Variants in DCT observed in about 807,000 individuals in gnomAD.
DCT encodes dopachrome tautomerase.
Under a neutral mutation model 53.0 loss-of-function variants are expected in DCT, and 47 were observed. The ratio of observed to expected loss-of-function variants is 0.89; its 90% CI spans 0.70 to 1.13. DCT has a LOEUF of 1.13. Ranked by LOEUF, DCT falls within the 50% of genes most tolerant of loss-of-function variation. DCT has a pLI of 0.00. For missense variants in DCT, 669 were observed against 637.4 expected, an observed-to-expected ratio of 1.05 and a Z score of -0.53; for synonymous variants, 244 against 237.0, an observed-to-expected ratio of 1.03 and a Z score of -0.27.
the DCT span, among the ~76,000 whole-genome samples, chr13:94,536,929 G>A: frequency 6.7e-6 from 1 of 148,648 alleles, no homozygotes; most frequent in African/African-American, 2.4e-5. Flanking sequence ...GGGCAACAGA[G>A]AGAGACTCCA....
chr13:94,466,633 T>G lies in DCT; in HGVS notation c.621A>C (p.Ile207=), dbSNP rs1028643400. The change falls in exon 3 of 8, where the codon ATA becomes ATC. Residue 207 remains isoleucine (I), a synonymous_variant. Transcript: ENST00000377028. ...ATGCAGGTCCTTGATGTGAGAAATC[T>G]ATGGCCCTGTAGGGGCGTCCTGGTC... is the stretch of plus-strand genomic sequence containing the variant. ...LLGPGRPYRA[I]DFSHQGPAFV... The G allele has an allele frequency of 7.4e-6, 12 of 1,610,776 alleles. No homozygotes were observed. The highest frequency in any genetic ancestry group is 1.3e-5 in the African/African-American group (1 of 74,832).
At chr13:94,548,975 G>T in the DCT span, among the ~76,000 whole-genome samples, 1 of 151,536 alleles carries the variant, frequency 6.6e-6, no homozygotes, top group Non-Finnish European at 1.5e-5. Context: ...TGATGCTGCG[G>T]ATCTGGGGAC....
the DCT span, among the ~76,000 whole-genome samples, chr13:94,487,115 T>C: frequency 6.6e-5 from 10 of 152,228 alleles, no homozygotes. Flanking sequence ...AGAGAAAGTC[T>C]TTGTTAGAAA....
chr13:94,465,444 A>AT (rs1190074672), intron 4 of DCT, 189 bp downstream of exon 4: 8 of 299,852 alleles, frequency 2.7e-5, no homozygotes, highest in Admixed American at 6.6e-5. Context: ...TGTGATTTTG[A>AT]TATTTTTTTT....
the DCT span, among the ~76,000 whole-genome samples, chr13:94,519,381 A>T: frequency 6.6e-6 from 1 of 152,162 alleles, no homozygotes; most frequent in Non-Finnish European, 1.5e-5. Flanking sequence ...TGGAAAACTT[A>T]GGAGCTTGGG....
At chr13:94,510,665 C>T in the DCT span, among the ~76,000 whole-genome samples, 2 of 152,228 alleles carry the variant, frequency 1.3e-5, no homozygotes, top group African/African-American at 4.8e-5. Flanking sequence ...TTCTAGCAGA[C>T]AGAGCTGCTT....
At chr13:94,475,541 G>A (rs1370855435) in intron 1 of DCT, among the ~76,000 whole-genome samples, 2 of 152,130 alleles carry the variant, frequency 1.3e-5, no homozygotes, top group South Asian at 2.1e-4. Context: ...GGGGCGATAG[G>A]GAGTTGTAAA....
At chr13:94,495,948 G>A in the DCT span, among the ~76,000 whole-genome samples, 1 of 152,308 alleles carries the variant, frequency 6.6e-6, no homozygotes, top group Non-Finnish European at 1.5e-5. Flanking sequence ...TTGCATAGAA[G>A]TCTATAGAGC....
At chr13:94,447,867 G>A (rs139016356) in intron 6 of DCT, among the ~76,000 whole-genome samples, 34 of 152,316 alleles carry the variant, frequency 2.2e-4, no homozygotes, top group African/African-American at 7.9e-4. Context: ...AAGGCAATTA[G>A]TAATCTGGAG....
the DCT span, among the ~76,000 whole-genome samples, chr13:94,502,787 T>TC: frequency 6.6e-6 from 1 of 152,054 alleles, no homozygotes; most frequent in African/African-American, 2.4e-5. Flanking sequence ...TTTCCTCTCC[T>TC]CGCTGCACTC....
the DCT span, among the ~76,000 whole-genome samples, chr13:94,488,721 TATACAC>T: frequency 8.6e-3 from 642 of 74,602 alleles, no homozygotes; most frequent in South Asian, 0.039. Context: ...TTGTCTAATA[TATACAC>T]ACACACACAC....
chr13:94,534,759 C>A, the DCT span, among the ~76,000 whole-genome samples: 1 of 152,190 alleles, frequency 6.6e-6, no homozygotes, highest in Non-Finnish European at 1.5e-5. Context: ...TACTAAAGTA[C>A]CTTCTAGGGA....
At position 94,439,890 on chromosome 13, in the gene DCT, T is replaced by G; in HGVS notation, c.*8A>C. ...CCAGCCTCTTCTCTTAGGTAAGGCA[T>G]GAGCACCCTAGGCTTCTTCTGTGTA... On this transcript the variant is annotated 3_prime_UTR_variant, in exon 8 of 8. Coordinates refer to ENST00000377028, the MANE Select transcript of DCT (RefSeq NM_001922.5). 1.2e-6 allele frequency: 2 copies of G among 1,608,594 alleles called. No homozygotes were observed. The highest frequency in any genetic ancestry group is 8.5e-7 in the Non-Finnish European group (1 of 1,177,626).
Position 94,478,929 on chromosome 13 carries a change from C to G in DCT, c.295+32G>C, listed in dbSNP as rs550904509. ...AAGGAGCTCTTTCCCCAGCTCTGGCCCTCCCCACCAAGCTTGGAGCATGGG... is the reference window on the plus strand; with the variant it reads ...AAGGAGCTCTTTCCCCAGCTCTGGCGCTCCCCACCAAGCTTGGAGCATGGG... On this transcript the variant is annotated intron_variant, in intron 1 of 7. Coordinates refer to ENST00000377028, the MANE Select transcript of DCT (RefSeq NM_001922.5). 1.3e-4 allele frequency: 199 copies of G among 1,568,074 alleles called. 1 individual carries two copies. The South Asian group carries it at 2.1e-3, about 17-fold the overall frequency.
the DCT span, among the ~76,000 whole-genome samples, chr13:94,543,232 C>T: frequency 3.3e-5 from 5 of 151,964 alleles, no homozygotes; most frequent in African/African-American, 1.2e-4. Context: ...TAAGAGATAA[C>T]GAGGTAATAG....
chr13:94,452,472 C>T, intron 6 of DCT: 1 of 604,040 alleles, frequency 1.7e-6, no homozygotes, highest in Non-Finnish European at 2.9e-6. Context: ...GGAACTGTGG[C>T]TCTGACACAT....
chr13:94,510,857 C>T, the DCT span, among the ~76,000 whole-genome samples: 1 of 152,220 alleles, frequency 6.6e-6, no homozygotes, highest in Non-Finnish European at 1.5e-5. Context: ...GGAGCATCAA[C>T]ATCTACTTGT....
At chr13:94,486,884 A>C in the DCT span, among the ~76,000 whole-genome samples, 2 of 152,132 alleles carry the variant, frequency 1.3e-5, no homozygotes, top group Non-Finnish European at 2.9e-5. Context: ...GCTTGTCTCA[A>C]ATCCTTTGAG....
the DCT span, among the ~76,000 whole-genome samples, chr13:94,495,910 G>A: frequency 7.9e-5 from 12 of 152,316 alleles, no homozygotes; most frequent in South Asian, 1.5e-3. Context: ...TGGCTCTGCA[G>A]GGCTAGTGAA....
Sources: gnomAD v4.1 joint callset for allele counts (sites outside exome capture counted in the v4.1 genomes callset) on GRCh38, gnomAD v4.1.1 for gene constraint, MANE v1.5 for transcripts, NCBI Gene and HGNC (gene_info 2026-07-23, HGNC 2026-07-21) for gene names.